Variants in TENM4 observed in about 807,000 individuals in gnomAD.
TENM4 encodes the protein teneurin transmembrane protein 4.
Under a neutral mutation model 243.3 loss-of-function variants are expected in TENM4, and 82 were observed. That is an observed-to-expected ratio of 0.34 (90% CI 0.28 to 0.40). The LOEUF (loss-of-function observed/expected upper bound fraction) is 0.40. Ranked by LOEUF, TENM4 falls within the 10% of genes least tolerant of loss-of-function variation. TENM4 has a pLI of 1.00. For missense variants in TENM4, 3,138 were observed against 3,673.3 expected (o/e 0.85, Z 3.77); for synonymous variants, 1,412 against 1,456.3 (o/e 0.97, Z 0.69).
chr11:79,138,339 TA>T (rs1190644416), intron 4 of TENM4, among the ~76,000 whole-genome samples: 4 of 118,228 alleles, frequency 3.4e-5, no homozygotes, highest in Non-Finnish European at 5.0e-5. Context: ...ATTATATATA[TA>T]ATATATAAAA....
chr11:79,323,216 C>A (rs1856920178), intron 1 of TENM4, among the ~76,000 whole-genome samples: 1 of 152,188 alleles, frequency 6.6e-6, no homozygotes, highest in Non-Finnish European at 1.5e-5. Flanking sequence ...ACACCTTTTT[C>A]TTCTAAATCC....
intron 7 of TENM4, among the ~76,000 whole-genome samples, chr11:78,897,267 G>A (rs1197819049): frequency 1.3e-5 from 2 of 152,116 alleles, no homozygotes; most frequent in Non-Finnish European, 2.9e-5. Context: ...AGAACCTTGT[G>A]CCTGGTTTGC....
At chr11:78,799,352 A>G (rs1857232167) in intron 15 of TENM4, among the ~76,000 whole-genome samples, 2 of 152,218 alleles carry the variant, frequency 1.3e-5, no homozygotes, top group South Asian at 2.1e-4. Flanking sequence ...TGCGCCTCTG[A>G]GAGAGCAAGT....
At chr11:78,996,058 T>C (rs760353476) in intron 6 of TENM4, among the ~76,000 whole-genome samples, 2 of 152,192 alleles carry the variant, frequency 1.3e-5, no homozygotes, top group Non-Finnish European at 2.9e-5. Flanking sequence ...AGGAGGACTG[T>C]TTCCTTAGGA....
chr11:78,665,473 T>C (rs1590922945), intron 32 of TENM4, among the ~76,000 whole-genome samples: 1 of 152,322 alleles, frequency 6.6e-6, no homozygotes, highest in East Asian at 1.9e-4. Flanking sequence ...GATTTCGCCA[T>C]GTTGGCCAGG....
At chr11:78,762,469 G>A (rs1201625343) in intron 18 of TENM4, among the ~76,000 whole-genome samples, 1 of 152,186 alleles carries the variant, frequency 6.6e-6, no homozygotes, top group African/African-American at 2.4e-5. Context: ...TGCAGATTGG[G>A]GTCCTCTGCA....
intron 6 of TENM4, among the ~76,000 whole-genome samples, chr11:79,008,456 A>G (rs1252686161): frequency 6.6e-6 from 1 of 152,190 alleles, no homozygotes; most frequent in African/African-American, 2.4e-5. Flanking sequence ...TTCACACAAC[A>G]CTATTAACAT....
At chr11:79,055,657 C>A (rs1477886901) in intron 6 of TENM4, among the ~76,000 whole-genome samples, 3 of 152,188 alleles carry the variant, frequency 2.0e-5, no homozygotes, top group African/African-American at 7.2e-5. Flanking sequence ...ACCTTCCATC[C>A]TTATTACAAC....
intron 2 of TENM4, among the ~76,000 whole-genome samples, chr11:79,290,436 G>T (rs529148264): frequency 6.6e-5 from 10 of 152,340 alleles, no homozygotes; most frequent in African/African-American, 2.4e-4. Flanking sequence ...GCAGAACCTA[G>T]ACTAGAATCT....
chr11:78,737,609 T>TA (rs2135899227), intron 20 of TENM4, among the ~76,000 whole-genome samples: 1 of 152,300 alleles, frequency 6.6e-6, no homozygotes, highest in Non-Finnish European at 1.5e-5. Context: ...CTGGTTTTAT[T>TA]AAAAATAGAG....
intron 6 of TENM4, among the ~76,000 whole-genome samples, chr11:78,914,870 G>A (rs1186506474): frequency 1.3e-5 from 2 of 152,182 alleles, no homozygotes; most frequent in Non-Finnish European, 1.5e-5. Flanking sequence ...GGAGAGTCAG[G>A]CCAGGGGCAT....
At chr11:78,745,224 TTTC>T (rs1279513961) in intron 19 of TENM4, among the ~76,000 whole-genome samples, 3 of 145,012 alleles carry the variant, frequency 2.1e-5, no homozygotes, top group Non-Finnish European at 4.4e-5. Context: ...TTTTTTTCTT[TTTC>T]TTTTTTTTTT....
chr11:79,154,061 G>C (rs765786092), intron 3 of TENM4, among the ~76,000 whole-genome samples: 12 of 152,040 alleles, frequency 7.9e-5, no homozygotes, highest in Non-Finnish European at 1.6e-4. Flanking sequence ...CCTTGTTCAA[G>C]CTCCTCAAGA....
At chr11:78,891,599 C>T (rs1468306849) in intron 7 of TENM4, among the ~76,000 whole-genome samples, 1 of 152,192 alleles carries the variant, frequency 6.6e-6, no homozygotes, top group African/African-American at 2.4e-5. Flanking sequence ...AGAGGACTGA[C>T]ATGTGTCCGG....
chr11:79,070,699 T>C (rs1376797406), intron 4 of TENM4, among the ~76,000 whole-genome samples: 2 of 152,202 alleles, frequency 1.3e-5, no homozygotes, highest in African/African-American at 2.4e-5. Context: ...ATAATAAAGA[T>C]GTGTTTAATT....
intron 1 of TENM4, among the ~76,000 whole-genome samples, chr11:79,333,578 A>G (rs565021776): frequency 2.6e-5 from 4 of 152,184 alleles, no homozygotes; most frequent in Non-Finnish European, 5.9e-5. Context: ...GCCTATGCAC[A>G]TAGTAGTTTC....
chr11:79,384,271 T>C (rs913890205), intron 1 of TENM4, among the ~76,000 whole-genome samples: 3 of 152,220 alleles, frequency 2.0e-5, no homozygotes, highest in Non-Finnish European at 2.9e-5. Context: ...AAGAGTAACA[T>C]TGATAGTAAT....
At position 79,210,163 on chromosome 11, in the gene TENM4, G is replaced by T. The variant is rs1863929974; in HGVS notation, c.-163+5645C>A. On this transcript the variant is annotated intron_variant, in intron 3 of 33. Coordinates refer to ENST00000278550, the MANE Select transcript of TENM4 (RefSeq NM_001098816.3). Reference sequence around the variant, plus strand: ...AGGATTATTTCTTCAGTCTGACCCTGAGAAAAAATGCACTGTCCTAACTCC... The same window carrying T: ...AGGATTATTTCTTCAGTCTGACCCTTAGAAAAAATGCACTGTCCTAACTCC... Among the ~76,000 whole-genome samples the T allele has an allele frequency of 5.9e-5, 9 of 152,282 alleles. No homozygotes were observed. In the South Asian group the frequency reaches 1.5e-3, roughly 25 times the overall value.
chr11:78,744,598 A>G (rs1315360883), intron 19 of TENM4, among the ~76,000 whole-genome samples: 2 of 152,174 alleles, frequency 1.3e-5, no homozygotes, highest in Non-Finnish European at 2.9e-5. Flanking sequence ...TGAGAATCCC[A>G]ATTTGTCTTG....
Sources: gnomAD v4.1 joint callset for allele counts (sites outside exome capture counted in the v4.1 genomes callset) on GRCh38, gnomAD v4.1.1 for gene constraint, MANE v1.5 for transcripts, NCBI Gene and HGNC (gene_info 2026-07-23, HGNC 2026-07-21) for gene names.